Variants in SPATA7 observed in about 807,000 individuals in gnomAD.
The protein encoded by SPATA7 is spermatogenesis associated 7, also known as spermatogenesis-associated protein 7.
In SPATA7, 43 loss-of-function variants were observed where a neutral mutation model predicts 51.8. That is an observed-to-expected ratio of 0.83 (90% CI 0.65 to 1.07). The LOEUF is 1.07. Ranked by LOEUF, SPATA7 falls within the 50% of genes least tolerant of loss-of-function variation. The pLI is 0.00. For synonymous variants in SPATA7, 230 were observed against 252.8 expected (o/e 0.91, Z 0.86); for missense variants, 683 against 701.3 (o/e 0.97, Z 0.30).
intron 4 of SPATA7, among the ~76,000 whole-genome samples, chr14:88,411,503 G>A (rs1349226605): frequency 2.0e-5 from 3 of 152,118 alleles, no homozygotes; most frequent in African/African-American, 7.2e-5. Context: ...GGTGGTGTAG[G>A]CACCTGAGGG....
At chr14:88,456,346 T>TA (rs1353839524), downstream of SPATA7, among the ~76,000 whole-genome samples, 2 of 152,124 alleles carry the variant, frequency 1.3e-5, no homozygotes, top group Non-Finnish European at 1.5e-5. Context: ...ACCAACAGTG[T>TA]AAAAGTGTTC....
At chr14:88,400,603 ACAGG>A (rs1295177383) in intron 4 of SPATA7, among the ~76,000 whole-genome samples, 1 of 152,044 alleles carries the variant, frequency 6.6e-6, no homozygotes, top group Admixed American at 6.5e-5. Flanking sequence ...GGAGGCCAAG[ACAGG>A]CAGATCACTT....
chr14:88,469,176 G>T lies in SPATA7; in HGVS notation c.255-671G>T. 1 of 1,325,732 alleles carries T rather than the reference G, an allele frequency of 7.5e-7. No homozygotes were observed. Among genetic ancestry groups the T allele is most frequent in the Non-Finnish European group, 1.0e-6 (1 of 973,734 alleles). The allele number at this position is 1,325,732 out of a possible 1,614,324, so 82.1% of individuals were successfully genotyped here. On this transcript the variant is annotated intron_variant, in intron 4 of 4. Transcript: ENST00000556406. The surrounding 1 kb of genome is among the most constrained non-coding windows in gnomAD (Gnocchi z 4.3). ...CTCTCCACTGATTAAGAGGACTGCA[G>T]ATAAAGAGCACTGGGTGCCAGTGAA...
intron 4 of SPATA7, among the ~76,000 whole-genome samples, chr14:88,402,975 A>AAC (rs2076107996): frequency 6.6e-6 from 1 of 150,956 alleles, no homozygotes; most frequent in South Asian, 2.1e-4. Context: ...AAAAAAAAAA[A>AAC]AAAAAAAACC....
At chr14:88,463,110 A>G (rs778100803) in intron 4 of SPATA7, among the ~76,000 whole-genome samples, 3 of 152,224 alleles carry the variant, frequency 2.0e-5, no homozygotes, top group Middle Eastern at 3.4e-3. Context: ...ATATAATAGC[A>G]TTTGCCTTGG....
At chr14:88,465,514 T>G (rs994866132) in intron 4 of SPATA7, among the ~76,000 whole-genome samples, 9 of 151,892 alleles carry the variant, frequency 5.9e-5, no homozygotes, top group African/African-American at 2.2e-4. Flanking sequence ...AACTACCAAC[T>G]AAGCTAAACT....
At chr14:88,458,713 G>GTCTC, downstream of SPATA7, among the ~76,000 whole-genome samples, 1 of 151,130 alleles carries the variant, frequency 6.6e-6, no homozygotes, top group East Asian at 1.9e-4. Flanking sequence ...GGTTTTTTGT[G>GTCTC]TATCTCCTTC....
chr14:88,409,471 A>G (rs1333265861), intron 4 of SPATA7, among the ~76,000 whole-genome samples: 1 of 150,388 alleles, frequency 6.6e-6, no homozygotes, highest in Non-Finnish European at 1.5e-5. Context: ...TGCCTTTTTG[A>G]TTCTCTATTT....
At chr14:88,453,645 CT>C (rs776505898) in intron 3 of SPATA7, among the ~76,000 whole-genome samples, 15 of 152,206 alleles carry the variant, frequency 9.9e-5, no homozygotes, top group East Asian at 5.8e-4. Flanking sequence ...ATTAGTTCTA[CT>C]TTAATTCTTA....
intron 4 of SPATA7, among the ~76,000 whole-genome samples, chr14:88,407,984 A>G (rs1393405223): frequency 2.0e-5 from 3 of 152,138 alleles, no homozygotes; most frequent in Non-Finnish European, 4.4e-5. Flanking sequence ...TTTTGGTACC[A>G]GTATCATGCT....
intron 9 of SPATA7, among the ~76,000 whole-genome samples, chr14:88,432,248 TA>T (rs1483720863): frequency 6.6e-6 from 1 of 152,120 alleles, no homozygotes; most frequent in Non-Finnish European, 1.5e-5. Context: ...AAATAATTTA[TA>T]AAATTTTATT....
At chr14:88,428,047 G>T in intron 7 of SPATA7, 2 of 161,858 alleles carry the variant, frequency 1.2e-5, no homozygotes, top group Non-Finnish European at 2.7e-5. Context: ...CAGAAGTTGA[G>T]TTTTTATACC....
downstream of SPATA7, chr14:88,438,605 A>T (rs1269246515): frequency 2.0e-5 from 13 of 654,916 alleles, no homozygotes; most frequent in Non-Finnish European, 2.7e-6. Flanking sequence ...TCAGGAGTGT[A>T]GGCACAGCTT....
rs2076802579 is a variant in SPATA7 at position 88,426,646 on chromosome 14, A to G, written c.787A>G (p.Lys263Glu). The change falls in exon 6 of 12, where the codon AAA becomes GAA. Residue 263 changes from lysine (K) to glutamate (E), a missense_variant. Coordinates refer to ENST00000393545, the MANE Select transcript of SPATA7 (RefSeq NM_018418.5). ...LSQYRYYTPAKRKKDFTDQRI... is the reference protein window; with the variant it reads ...LSQYRYYTPAERKKDFTDQRI... ...ACAGTATCGCTATTATACACCTGCC[A>G]AAAGAAAAAAGGATTTTACAGATCA... 1 of 1,614,044 alleles carries G rather than the reference A, an allele frequency of 6.2e-7. No homozygotes were observed. The highest frequency in any genetic ancestry group is 1.1e-5 in the South Asian group (1 of 91,086).
intron 4 of SPATA7, chr14:88,416,409 C>CTTTTTTTTTTT (rs536916579): frequency 8.3e-6 from 1 of 120,714 alleles, no homozygotes; most frequent in Non-Finnish European, 1.6e-5. Flanking sequence ...TGTTGGCATT[C>CTTTTTTTTTTT]TTTTTTTTTT....
At chr14:88,434,607 C>T (rs887929376) in intron 10 of SPATA7, among the ~76,000 whole-genome samples, 1 of 151,444 alleles carries the variant, frequency 6.6e-6, no homozygotes, top group Non-Finnish European at 1.5e-5. Context: ...ATCGCTTGAA[C>T]CCCGCAAGGC....
intron 4 of SPATA7, among the ~76,000 whole-genome samples, chr14:88,398,326 G>T (rs1387491550): frequency 6.6e-6 from 1 of 151,842 alleles, no homozygotes; most frequent in African/African-American, 2.4e-5. Context: ...CATGTCCTTT[G>T]TAGGGACAGG....
At chr14:88,446,779 T>C (rs917574339) in intron 3 of SPATA7, among the ~76,000 whole-genome samples, 1 of 152,178 alleles carries the variant, frequency 6.6e-6, no homozygotes, top group African/African-American at 2.4e-5. Context: ...TCAGTTTCCA[T>C]GTAGTTGAGC....
intron 3 of SPATA7, among the ~76,000 whole-genome samples, chr14:88,444,910 A>C (rs1047041575): frequency 6.6e-6 from 1 of 152,186 alleles, no homozygotes; most frequent in Non-Finnish European, 1.5e-5. Context: ...GTATGAAGTC[A>C]GGTAGTGTGA....
Sources: gnomAD v4.1 joint callset for allele counts (sites outside exome capture counted in the v4.1 genomes callset) on GRCh38, gnomAD v4.1.1 for gene constraint, Gnocchi (gnomAD v3.1) non-coding constraint, MANE v1.5 for transcripts, NCBI Gene and HGNC (gene_info 2026-07-23, HGNC 2026-07-21) for gene names.